NRP2: variants seen among roughly 807,000 people sequenced by gnomAD.
The protein encoded by NRP2 is neuropilin-2.
In NRP2, 52 loss-of-function variants were observed where a neutral mutation model predicts 110.4. The observed-to-expected ratio is 0.47, with a 90% CI of 0.38 to 0.59. NRP2 has a LOEUF of 0.59. Ranked by LOEUF, NRP2 falls within the 20% of genes least tolerant of loss-of-function variation. The probability of loss-of-function intolerance (pLI) is 0.00; values close to 1 mark genes in which losing one functional copy is unlikely to be tolerated. For missense variants in NRP2, 1,049 were observed against 1,203.0 expected (o/e 0.87, Z 1.89); for synonymous variants, 508 against 468.9 (o/e 1.08, Z -1.08).
At chr2:205,783,744 C>A (rs1393813850) in intron 15 of NRP2, among the ~76,000 whole-genome samples, 2 of 152,334 alleles carry the variant, frequency 1.3e-5, no homozygotes, top group East Asian at 3.9e-4. Context: ...AGCCCAGAGA[C>A]CTGTCAGTCC....
Position 205,683,287 on chromosome 2 carries a change from CA to C in NRP2, c.1del. 1 of 1,612,320 alleles carries C rather than the reference CA, an allele frequency of 6.2e-7. No homozygotes were observed. The highest frequency in any genetic ancestry group is 8.5e-7 in the Non-Finnish European group (1 of 1,178,554). On this transcript the variant is annotated 5_prime_UTR_variant, in exon 1 of 17. Transcript: ENST00000357785. ...CAGCTCTGGAAAGAGCCACCTTCTC[CA>C]AAATGGATATGTTTCCTCTCACCTG...
chr2:205,701,171 T>C (rs924334165), intron 2 of NRP2: 2 of 154,614 alleles, frequency 1.3e-5, no homozygotes, highest in Non-Finnish European at 2.9e-5. Context: ...ACACAGCTTG[T>C]TCAGGAGTTC....
chr2:205,756,203 C>T (rs968544148), intron 12 of NRP2, among the ~76,000 whole-genome samples: 1 of 152,136 alleles, frequency 6.6e-6, no homozygotes, highest in Non-Finnish European at 1.5e-5. Context: ...AGTGTGTTCA[C>T]ACCAGCCTCT....
intron 8 of NRP2, among the ~76,000 whole-genome samples, chr2:205,741,897 A>G (rs1559340417): frequency 6.6e-6 from 1 of 152,238 alleles, no homozygotes; most frequent in Non-Finnish European, 1.5e-5. Flanking sequence ...AAGAGGCTAA[A>G]TAGCTTGCCC....
In NRP2 at chr2:205,727,969, T is replaced by C; in HGVS notation, c.1069T>C (p.Tyr357His). The C allele has an allele frequency of 6.2e-7, 1 of 1,614,146 alleles. No homozygotes were observed. Among genetic ancestry groups the C allele is most frequent in the East Asian group, 2.2e-5 (1 of 44,872 alleles). The part of the protein sequence containing the change: ...AISRETQNGY[Y>H]VKSYKLEVST... ...TTCCAGGGAAACACAGAATGGCTACTATGTCAAATCCTACAAGCTGGAAGT... is the reference window on the plus strand; with the variant it reads ...TTCCAGGGAAACACAGAATGGCTACCATGTCAAATCCTACAAGCTGGAAGT... The change falls in exon 7 of 17, where the codon TAT (tyrosine) becomes CAT (histidine). Residue 357 changes from tyrosine to histidine, a missense_variant. By Grantham distance (83) the Tyr-to-His change is moderately conservative. Transcript: ENST00000357785.
At chr2:205,704,788 G>A (rs373679275) in intron 2 of NRP2, among the ~76,000 whole-genome samples, 3 of 152,266 alleles carry the variant, frequency 2.0e-5, no homozygotes, top group African/African-American at 7.2e-5. Context: ...AAAATCACTT[G>A]AGATGTTATC....
chr2:205,711,306 T>C (rs1267173843), intron 2 of NRP2, among the ~76,000 whole-genome samples: 1 of 152,224 alleles, frequency 6.6e-6, no homozygotes, highest in East Asian at 1.9e-4. Context: ...TATTGTCTGG[T>C]GCAGGAGACA....
intron 2 of NRP2, among the ~76,000 whole-genome samples, chr2:205,715,756 G>A (rs1326112710): frequency 5.3e-5 from 8 of 152,090 alleles, no homozygotes; most frequent in African/African-American, 1.9e-4. Context: ...CCCCAGCCTT[G>A]TGGAGTGGAT....
chr2:205,794,139 C>T (rs1412983644), intron 16 of NRP2, among the ~76,000 whole-genome samples: 1 of 152,150 alleles, frequency 6.6e-6, no homozygotes, highest in Non-Finnish European at 1.5e-5. Context: ...GAGACGGAGT[C>T]TCGCTCTGTC....
At chr2:205,782,038 G>A (rs991166845) in intron 15 of NRP2, among the ~76,000 whole-genome samples, 7 of 150,962 alleles carry the variant, frequency 4.6e-5, no homozygotes, top group East Asian at 2.0e-4. Flanking sequence ...ACTGAAGAGC[G>A]ACAAGATTTG....
chr2:205,697,742 C>T (rs1370258459), intron 2 of NRP2, 21 bp downstream of exon 2: 1 of 1,612,564 alleles, frequency 6.2e-7, no homozygotes, highest in East Asian at 2.2e-5. Flanking sequence ...TCCTGTCCCA[C>T]TGTGTATCCC....
At chr2:205,722,804 C>A (rs2057047827) in intron 4 of NRP2, 96 bp downstream of exon 4, 3 of 986,790 alleles carry the variant, frequency 3.0e-6, no homozygotes. Context: ...TTCAAAGCTC[C>A]TATGAGTTCT....
chr2:205,789,207 G>T (rs969726225), intron 15 of NRP2, among the ~76,000 whole-genome samples: 1 of 152,194 alleles, frequency 6.6e-6, no homozygotes, highest in African/African-American at 2.4e-5. Flanking sequence ...CAAAGAACTT[G>T]AATGCAGACT....
intron 12 of NRP2, among the ~76,000 whole-genome samples, chr2:205,760,577 TAG>T (rs1298794414): frequency 6.6e-6 from 1 of 151,856 alleles, no homozygotes; most frequent in East Asian, 1.9e-4. Flanking sequence ...AAATCATGCA[TAG>T]AGATTGTCAT....
chr2:205,713,364 C>T (rs1437665318), intron 2 of NRP2, among the ~76,000 whole-genome samples: 3 of 152,144 alleles, frequency 2.0e-5, no homozygotes, highest in African/African-American at 4.8e-5. Flanking sequence ...CCAGATGTCC[C>T]GACCTACTGT....
At chr2:205,684,056 G>A (rs999240191) in intron 1 of NRP2, among the ~76,000 whole-genome samples, 12 of 152,150 alleles carry the variant, frequency 7.9e-5, no homozygotes, top group African/African-American at 2.9e-4. Context: ...ACAAATTGCA[G>A]GCCCTCGAAG....
chr2:205,794,622 C>A lies in NRP2; in HGVS notation c.2477-132C>A, dbSNP rs551699758. 5 of 946,734 alleles carry A rather than the reference C, an allele frequency of 5.3e-6. No homozygotes were observed. The African/African-American group carries it at 6.4e-5, about 12-fold the overall frequency. The allele number at this position is 946,734 out of a possible 1,614,324, so 58.6% of individuals were successfully genotyped here. A position where few individuals can be genotyped will look rare whatever the true frequency, so the allele number is the denominator to read the frequency against. ...GATGCGGCCAGGCTGGGCTTTGAAC[C>A]CAGGCAGTCTAATTCCAGAGCTGCT... is the stretch of plus-strand genomic sequence containing the variant. On this transcript the variant is annotated intron_variant, in intron 16 of 16. Coordinates refer to ENST00000357785, the MANE Select transcript of NRP2 (RefSeq NM_003872.3).
intron 6 of NRP2, among the ~76,000 whole-genome samples, chr2:205,726,337 C>T (rs2105822456): frequency 6.6e-6 from 1 of 152,306 alleles, no homozygotes; most frequent in South Asian, 2.1e-4. Context: ...GGCCAGGATG[C>T]TGTTTGCCCT....
At chr2:205,737,961 C>T (rs757903200) in intron 7 of NRP2, among the ~76,000 whole-genome samples, 5 of 152,226 alleles carry the variant, frequency 3.3e-5, no homozygotes, top group Non-Finnish European at 5.9e-5. Flanking sequence ...ATGTGAGCCA[C>T]ACTCATGCAC....
Sources: gnomAD v4.1 joint callset for allele counts (sites outside exome capture counted in the v4.1 genomes callset) on GRCh38, gnomAD v4.1.1 for gene constraint, MANE v1.5 for transcripts, NCBI Gene and HGNC (gene_info 2026-07-23, HGNC 2026-07-21) for gene names.